The following PIN1 variants were observed in gnomAD, a reference collection of about 807,000 sequenced individuals.
The protein encoded by PIN1 is peptidyl-prolyl cis-trans isomerase NIMA-interacting 1.
In PIN1, 8 loss-of-function variants were observed where a neutral mutation model predicts 19.9. The observed-to-expected ratio is 0.40, with a 90% confidence interval of 0.24 to 0.72. The LOEUF (loss-of-function observed/expected upper bound fraction) is 0.72, where lower values mean the gene tolerates loss of function less well. Among genes scored for constraint, PIN1 ranks in the 30% least tolerant of loss-of-function variants. The probability of loss-of-function intolerance (pLI) is 0.37; values close to 1 mark genes in which losing one functional copy is unlikely to be tolerated. For missense variants in PIN1, 185 were observed against 226.5 expected (o/e 0.82, Z 1.18); for synonymous variants, 86 against 90.8 (o/e 0.95, Z 0.30).
intron 1 of PIN1, chr19:9,836,597 G>A (rs2046108351): frequency 1.3e-5 from 4 of 310,706 alleles, no homozygotes; most frequent in Admixed American, 4.0e-5. Context: ...TCACCCAGGC[G>A]AACTGTCAGC....
At chr19:9,843,768 C>A (rs2046192224) in intron 2 of PIN1, among the ~76,000 whole-genome samples, 1 of 152,156 alleles carries the variant, frequency 6.6e-6, no homozygotes, top group Non-Finnish European at 1.5e-5. Context: ...CTAATCCTGG[C>A]CAGGCGCAGT....
chr19:9,843,008 C>T (rs2046183814), intron 2 of PIN1, among the ~76,000 whole-genome samples: 1 of 152,252 alleles, frequency 6.6e-6, no homozygotes, highest in Admixed American at 6.5e-5. Context: ...ATTGGCTCCT[C>T]TGCAGCTGCT....
Position 9,838,470 on chromosome 19 carries a change from C to A in PIN1, c.93C>A (p.Ala31=), listed in dbSNP as rs747447616. The A allele has an allele frequency of 6.2e-7, 1 of 1,608,896 alleles. No homozygotes were observed. The highest frequency in any genetic ancestry group is 8.5e-7 in the Non-Finnish European group (1 of 1,178,658). ...RVYYFNHITN[A]SQWERPSGNS... ...ACTACTTCAACCACATCACTAACGC[C>A]AGCCAGTGGGAGCGGCCCAGCGGCA... The change falls in exon 2 of 4, where the codon GCC becomes GCA. Residue 31 remains alanine, a synonymous_variant. Transcript: ENST00000247970. This position sits in a 1 kb window ranked among gnomAD's most constrained non-coding sequence, Gnocchi z 5.8.
intron 2 of PIN1, 131 bp from the exon 3 acceptor site, chr19:9,847,899 C>A: frequency 1.4e-6 from 1 of 703,422 alleles, no homozygotes; most frequent in South Asian, 1.5e-5. Context: ...GGAGCATGTG[C>A]GCCTGTGAGG....
intron 2 of PIN1, among the ~76,000 whole-genome samples, chr19:9,844,130 TC>T (rs2046195939): frequency 6.6e-6 from 1 of 152,078 alleles, no homozygotes; most frequent in East Asian, 1.9e-4. Flanking sequence ...TTCCCCAAAG[TC>T]CCCATCTCCA....
In PIN1 at chr19:9,838,967, C is replaced by G. The variant is rs1189917251; in HGVS notation, c.271+319C>G. ...CTCGTGTCACCTCCCCTAGACTCAG[C>G]TTTCTCTGTAAAATGGGCATCCTCT... On this transcript the variant is annotated intron_variant, in intron 2 of 3. Coordinates refer to ENST00000247970, the MANE Select transcript of PIN1 (RefSeq NM_006221.4). This position sits in a 1 kb window ranked among gnomAD's most constrained non-coding sequence, Gnocchi z 5.8. 6.6e-6 allele frequency among the ~76,000 whole-genome samples: 1 copy of G among 152,122 alleles called. No individual in the cohort carries two copies. Among genetic ancestry groups the G allele is most frequent in the Non-Finnish European group, 1.5e-5 (1 of 68,022 alleles).
At chr19:9,842,059 G>C (rs1244931215) in intron 2 of PIN1, among the ~76,000 whole-genome samples, 1 of 152,188 alleles carries the variant, frequency 6.6e-6, no homozygotes, top group Non-Finnish European at 1.5e-5. Flanking sequence ...AGGCCCTGAG[G>C]CGTCACCGTA....
At chr19:9,837,220 C>G (rs2046116586) in intron 1 of PIN1, 1 of 202,848 alleles carries the variant, frequency 4.9e-6, no homozygotes, top group Non-Finnish European at 1.0e-5. Context: ...GTGGCATGAT[C>G]TTGGCGCACT....
intron 2 of PIN1, among the ~76,000 whole-genome samples, chr19:9,844,786 T>C (rs1349472256): frequency 1.3e-5 from 2 of 152,212 alleles, no homozygotes; most frequent in Non-Finnish European, 2.9e-5. Context: ...GGGCATGAGA[T>C]TCCAGCATTT....
At position 9,849,517 on chromosome 19, in the gene PIN1, C is replaced by G; in HGVS notation, c.*318C>G. The stretch of plus-strand genomic sequence containing the variant: ...AGAGAAGGCCTGGTCAGCAGAGCCG[C>G]CCCGTGTCCCCCCAGGTGCTGGAGG... On this transcript the variant is annotated 3_prime_UTR_variant, in exon 4 of 4. Coordinates refer to ENST00000247970, the MANE Select transcript of PIN1 (RefSeq NM_006221.4). 2 of 645,432 alleles carry G rather than the reference C, an allele frequency of 3.1e-6. No individual in the cohort carries two copies. Among genetic ancestry groups the G allele is most frequent in the South Asian group, 2.7e-5 (2 of 72,740 alleles). The allele number at this position is 645,432 out of a possible 1,614,324, so 40.0% of individuals were successfully genotyped here. A position where few individuals can be genotyped will look rare whatever the true frequency, so the allele number is the denominator to read the frequency against.
intron 1 of PIN1, 68 bp downstream of exon 1, chr19:9,835,470 T>C (rs1447602649): frequency 6.1e-6 from 7 of 1,144,496 alleles, no homozygotes; most frequent in Non-Finnish European, 8.1e-6. Flanking sequence ...AGCTCGCCCC[T>C]TGGGCGCGGC....
At chr19:9,847,190 G>A (rs998210242) in intron 2 of PIN1, among the ~76,000 whole-genome samples, 1 of 152,080 alleles carries the variant, frequency 6.6e-6, no homozygotes, top group African/African-American at 2.4e-5. Flanking sequence ...GCACACACAC[G>A]CAGCCCTCCC....
At chr19:9,844,233 CAG>C (rs2046196931) in intron 2 of PIN1, among the ~76,000 whole-genome samples, 2 of 150,142 alleles carry the variant, frequency 1.3e-5, no homozygotes, top group South Asian at 4.2e-4. Flanking sequence ...TTGGATCTGT[CAG>C]GGGCCTGCTC....
intron 2 of PIN1, among the ~76,000 whole-genome samples, chr19:9,842,863 T>C (rs1353147406): frequency 2.0e-5 from 3 of 152,198 alleles, no homozygotes; most frequent in Non-Finnish European, 4.4e-5. Flanking sequence ...GGCAGCTCAC[T>C]CCCCAGCTGG....
chr19:9,839,616 A>G (rs2046144506), intron 2 of PIN1, among the ~76,000 whole-genome samples: 1 of 152,200 alleles, frequency 6.6e-6, no homozygotes, highest in South Asian at 2.1e-4. Flanking sequence ...GTAACTGGAT[A>G]GCACTCATAA....
rs1178087514 is a variant in PIN1, at chr19:9,849,590, C to T, written c.*391C>T. The T allele has an allele frequency of 1.8e-6, 1 of 546,526 alleles. No individual in the cohort carries two copies. The highest frequency in any genetic ancestry group is 3.6e-6 in the Non-Finnish European group (1 of 278,384). 33.9% of individuals were successfully genotyped at this position (546,526 alleles called of 1,614,324 possible). A position where few individuals can be genotyped will look rare whatever the true frequency, so the allele number is the denominator to read the frequency against. ...TCTAGTTAGGCCACGCTCCTCTGTT[C>T]AGTCGCAAAGGTGAACACTCATGCG... On this transcript the variant is annotated 3_prime_UTR_variant, in exon 4 of 4. Transcript: ENST00000247970.
chr19:9,837,892 C>A (rs2046125569), intron 1 of PIN1: 2 of 165,174 alleles, frequency 1.2e-5, no homozygotes, highest in African/African-American at 2.4e-5. Context: ...ACCTTGGCCT[C>A]CCAAAGTGCT....
At chr19:9,836,367 A>C (rs1010215218) in intron 1 of PIN1, 1 of 159,046 alleles carries the variant, frequency 6.3e-6, no homozygotes, top group East Asian at 1.8e-4. Context: ...GAGAAAACTG[A>C]GGTGCAGGGA....
Position 9,846,001 on chromosome 19 carries a change from CAG to C in PIN1, c.272-2028_272-2027del, listed in dbSNP as rs1050822970. ...TTAGTGGTCCAGACAGAAGGGGGGA[CAG>C]GGGACTCCAGTGCTCTGTGCCTAAG... On this transcript the variant is annotated intron_variant, in intron 2 of 3. Transcript: ENST00000247970. This position sits in a 1 kb window ranked among gnomAD's most constrained non-coding sequence, Gnocchi z 5.9. 2.0e-5 allele frequency among the ~76,000 whole-genome samples: 3 copies of C among 151,826 alleles called. No homozygotes were observed. Among genetic ancestry groups the C allele is most frequent in the African/African-American group, 4.8e-5 (2 of 41,314 alleles).
Sources: allele counts gnomAD v4.1 joint callset (sites outside exome capture counted in the v4.1 genomes callset), GRCh38; gene constraint gnomAD v4.1.1; non-coding constraint Gnocchi (gnomAD v3.1); transcripts MANE v1.5; gene names NCBI Gene and HGNC (gene_info 2026-07-23, HGNC 2026-07-21).